Variants in SELENOI observed in about 807,000 individuals in gnomAD.
SELENOI encodes the protein selenoprotein I, also known as ethanolaminephosphotransferase 1.
A neutral mutation model predicts 50.7 loss-of-function variants in SELENOI; 24 were observed. The ratio of observed to expected loss-of-function variants is 0.47; its 90% CI spans 0.34 to 0.67. SELENOI has a LOEUF of 0.67. Among genes scored for constraint, SELENOI ranks in the 30% least tolerant of loss-of-function variants. The probability of loss-of-function intolerance (pLI) is 0.01; values close to 1 mark genes in which losing one functional copy is unlikely to be tolerated. For synonymous variants in SELENOI, 155 were observed against 170.2 expected (o/e 0.91, Z 0.70); for missense variants, 352 against 461.4 (o/e 0.76, Z 2.17).
At chr2:26,364,249 G>C (rs1677242162) in intron 1 of SELENOI, 53 bp from the exon 2 acceptor site, 3 of 1,248,542 alleles carry the variant, frequency 2.4e-6, no homozygotes, top group Non-Finnish European at 3.4e-6. Flanking sequence ...ATGTTATTCT[G>C]TCTACTAGTA....
chr2:26,357,805 A>G (rs149224575), intron 1 of SELENOI, among the ~76,000 whole-genome samples: 54 of 152,280 alleles, frequency 3.5e-4, no homozygotes, highest in Non-Finnish European at 6.6e-4. Flanking sequence ...TGTTGCTGAT[A>G]TGCTTTGGCT....
chr2:26,349,932 C>CAAAAAAAAAAAAA (rs70950184), intron 1 of SELENOI, among the ~76,000 whole-genome samples: 1 of 55,284 alleles, frequency 1.8e-5, no homozygotes, highest in African/African-American at 8.3e-5. Flanking sequence ...CTCATCTCCA[C>CAAAAAAAAAAAAA]AAAAAAAAAA....
intron 1 of SELENOI, among the ~76,000 whole-genome samples, chr2:26,354,638 G>T (rs148061055): frequency 6.6e-6 from 1 of 151,760 alleles, no homozygotes; most frequent in Middle Eastern, 3.2e-3. Context: ...TGATTCGCCC[G>T]CCTTGGCCTT....
chr2:26,394,094 A>C lies in SELENOI; in HGVS notation c.*4991A>C, dbSNP rs1469241620. 6.6e-6 allele frequency: 1 copy of C among 152,238 alleles called. No homozygotes were observed. Among genetic ancestry groups the C allele is most frequent in the African/African-American group, 2.4e-5 (1 of 41,474 alleles). The allele number at this position is 152,238 out of a possible 1,614,324, so 9.4% of individuals were successfully genotyped here. A position where few individuals can be genotyped will look rare whatever the true frequency, so the allele number is the denominator to read the frequency against. On this transcript the variant is annotated 3_prime_UTR_variant, in exon 10 of 10. Coordinates refer to ENST00000260585, the MANE Select transcript of SELENOI (RefSeq NM_033505.4). This position sits in a 1 kb window ranked among gnomAD's most constrained non-coding sequence, Gnocchi z 4.1. ...AGAAGGAGCCTGTTATAATTCTGCA[A>C]GATCTGTGAATAGCATTATAAATCT...
In SELENOI at chr2:26,386,388, G is replaced by A. The variant is rs756236500; in HGVS notation, c.947G>A (p.Arg316Gln). The change falls in exon 9 of 10, where the codon CGG becomes CAG. Residue 316 changes from arginine (R) to glutamine (Q), a missense_variant. Physicochemically the swap from Arg to Gln is conservative, Grantham distance 43. Coordinates refer to ENST00000260585, the MANE Select transcript of SELENOI (RefSeq NM_033505.4). ...QLIVCQMSST[R>Q]CPTLNWLLVP... ...ATTGTTTGCCAAATGAGTAGTACCC[G>A]GTGTCCAACTTTGAATTGGTTGCTG... 41 of 1,613,484 alleles carry A rather than the reference G, an allele frequency of 2.5e-5. No homozygotes were observed. The highest frequency in any genetic ancestry group is 1.4e-4 in the South Asian group (13 of 91,050).
intron 6 of SELENOI, among the ~76,000 whole-genome samples, chr2:26,376,892 T>C (rs1318178227): frequency 1.3e-5 from 2 of 152,264 alleles, no homozygotes; most frequent in Non-Finnish European, 2.9e-5. Context: ...CATATATCAT[T>C]GTCACTCTGT....
chr2:26,385,145 AT>A lies in SELENOI; in HGVS notation c.912+13del, dbSNP rs763064994. 580 of 1,475,298 alleles carry A rather than the reference AT, an allele frequency of 3.9e-4. No homozygotes were observed. The Middle Eastern group carries it at 4.5e-3, about 11-fold the overall frequency. 91.4% of individuals were successfully genotyped at this position (1,475,298 alleles called of 1,614,324 possible). On this transcript the variant is annotated splice_region_variant and intron_variant, in intron 8 of 9. Coordinates refer to ENST00000260585, the MANE Select transcript of SELENOI (RefSeq NM_033505.4). ...CAGCTTTTGCCAACAGTACAGTAAG[AT>A]TTTTTTCTTTTAAAAATCATAATAT... is the stretch of plus-strand genomic sequence containing the variant.
At chr2:26,371,831 G>C (rs1049088115) in intron 4 of SELENOI, among the ~76,000 whole-genome samples, 6 of 151,912 alleles carry the variant, frequency 3.9e-5, no homozygotes, top group Non-Finnish European at 5.9e-5. Flanking sequence ...GCTTCGGCTC[G>C]GCATGAGAGG....
At chr2:26,373,672 AC>A (rs1339952417) in intron 5 of SELENOI, 43 bp downstream of exon 5, 1 of 1,580,108 alleles carries the variant, frequency 6.3e-7, no homozygotes, top group Admixed American at 1.8e-5. Flanking sequence ...TTACCATGAT[AC>A]TTTTGGAAAG....
At chr2:26,348,684 T>G (rs1375714169) in intron 1 of SELENOI, among the ~76,000 whole-genome samples, 3 of 142,462 alleles carry the variant, frequency 2.1e-5, no homozygotes, top group East Asian at 3.9e-4. Flanking sequence ...GCAGGCCCTA[T>G]GGCTGACTTT....
chr2:26,347,007 G>C (rs994297359), intron 1 of SELENOI: 1 of 152,142 alleles, frequency 6.6e-6, no homozygotes, highest in Non-Finnish European at 1.5e-5. Flanking sequence ...TTTGTGAAGC[G>C]CTTGGCAACA....
intron 3 of SELENOI, among the ~76,000 whole-genome samples, chr2:26,366,778 A>G (rs941456931): frequency 6.6e-6 from 1 of 152,260 alleles, no homozygotes; most frequent in African/African-American, 2.4e-5. Flanking sequence ...TGAAGGCTCA[A>G]TACAAGTTTG....
intron 3 of SELENOI, among the ~76,000 whole-genome samples, chr2:26,365,976 A>G (rs1280307944): frequency 1.3e-5 from 2 of 151,786 alleles, no homozygotes; most frequent in Non-Finnish European, 2.9e-5. Flanking sequence ...TAATTTTTGT[A>G]TTTGTAGTAG....
chr2:26,379,602 GTA>G (rs139004488), intron 6 of SELENOI, among the ~76,000 whole-genome samples: 48 of 148,634 alleles, frequency 3.2e-4, no homozygotes, highest in Non-Finnish European at 3.1e-4. Context: ...TCTGCTGCAA[GTA>G]TATATATATA....
chr2:26,351,066 T>G (rs1451842990), intron 1 of SELENOI, among the ~76,000 whole-genome samples: 2 of 149,070 alleles, frequency 1.3e-5, no homozygotes, highest in African/African-American at 4.9e-5. Context: ...TTTTTTTTTT[T>G]TTTTTTTTTT....
Position 26,351,997 on chromosome 2 carries a change from C to T in SELENOI, c.57+5708C>T, listed in dbSNP as rs183330935. ...TTTCACCAAAAATACAAAAATTAGC[C>T]GGGTGTTATGGCGCATACCTGTGTC... On this transcript the variant is annotated intron_variant, in intron 1 of 9. Coordinates refer to ENST00000260585, the MANE Select transcript of SELENOI (RefSeq NM_033505.4). Among the ~76,000 whole-genome samples the T allele has an allele frequency of 5.7e-3, 864 of 152,106 alleles. 6 individuals are homozygous for T. The highest frequency in any genetic ancestry group is 9.2e-3 in the Non-Finnish European group (628 of 67,978).
intron 1 of SELENOI, among the ~76,000 whole-genome samples, chr2:26,361,647 A>G (rs1468725198): frequency 1.3e-5 from 2 of 150,022 alleles, no homozygotes; most frequent in South Asian, 4.2e-4. Context: ...CACATTGTCC[A>G]TCATCATTTC....
At chr2:26,371,777 G>A (rs1315547916) in intron 4 of SELENOI, among the ~76,000 whole-genome samples, 3 of 152,334 alleles carry the variant, frequency 2.0e-5, no homozygotes, top group East Asian at 3.9e-4. Flanking sequence ...AGGAGAATCA[G>A]GCAGGGAGAT....
At position 26,385,151 on chromosome 2, in the gene SELENOI, T is replaced by A; in HGVS notation, c.912+12T>A. 2.1e-6 allele frequency: 3 copies of A among 1,451,790 alleles called. No individual in the cohort carries two copies. The highest frequency in any genetic ancestry group is 2.7e-6 in the Non-Finnish European group (3 of 1,091,946). 89.9% of individuals were successfully genotyped at this position (1,451,790 alleles called of 1,614,324 possible). ...TTGCCAACAGTACAGTAAGATTTTTTTCTTTTAAAAATCATAATATATATT... is the reference window on the plus strand; with the variant it reads ...TTGCCAACAGTACAGTAAGATTTTTATCTTTTAAAAATCATAATATATATT... On this transcript the variant is annotated intron_variant, in intron 8 of 9. Coordinates refer to ENST00000260585, the MANE Select transcript of SELENOI (RefSeq NM_033505.4).
Sources: allele counts gnomAD v4.1 joint callset (sites outside exome capture counted in the v4.1 genomes callset), GRCh38; gene constraint gnomAD v4.1.1; non-coding constraint Gnocchi (gnomAD v3.1); transcripts MANE v1.5; gene names NCBI Gene and HGNC (gene_info 2026-07-23, HGNC 2026-07-21).